BTBD9: variants seen among roughly 807,000 people sequenced by gnomAD.
BTBD9 encodes BTB/POZ domain-containing protein 9.
A neutral mutation model predicts 64.3 loss-of-function variants in BTBD9; 49 were observed. That is an observed-to-expected ratio of 0.76 (90% CI 0.61 to 0.97). The LOEUF (loss-of-function observed/expected upper bound fraction) is 0.97, where lower values mean the gene tolerates loss of function less well. Ranked by LOEUF, BTBD9 falls within the 50% of genes least tolerant of loss-of-function variation. The pLI, the probability that BTBD9 is intolerant of heterozygous loss-of-function variation, is 0.00. For missense variants in BTBD9, 598 were observed against 762.1 expected (o/e 0.78, Z 2.53); for synonymous variants, 260 against 274.7 (o/e 0.95, Z 0.53).
At chr6:38,322,747 C>T (rs1173031515) in intron 7 of BTBD9, among the ~76,000 whole-genome samples, 2 of 152,142 alleles carry the variant, frequency 1.3e-5, no homozygotes, top group African/African-American at 4.8e-5. Flanking sequence ...TACAAAATGT[C>T]ACAAATGTAA....
At chr6:38,531,408 A>C (rs1043736287) in intron 6 of BTBD9, among the ~76,000 whole-genome samples, 2 of 152,246 alleles carry the variant, frequency 1.3e-5, no homozygotes, top group Non-Finnish European at 2.9e-5. Flanking sequence ...GAGGGATTTC[A>C]TCAACACCAG....
intron 7 of BTBD9, among the ~76,000 whole-genome samples, chr6:38,304,566 A>T (rs536785820): frequency 5.9e-4 from 90 of 152,132 alleles, no homozygotes; most frequent in Non-Finnish European, 9.7e-4. Flanking sequence ...CAAAAAAAAA[A>T]AAAAAACCAA....
chr6:38,175,055 GC>G lies in BTBD9; in HGVS notation c.1768del (p.Ala590ArgfsTer158). Reference sequence around the variant, plus strand: ...GGAGGGTAGTGAGCTGCCACTAGGCGCCCGCAGCGCATGGGAGTCGAGCTGC... The same window carrying G: ...GGAGGGTAGTGAGCTGCCACTAGGCGCCGCAGCGCATGGGAGTCGAGCTGC... The part of the protein sequence containing the change: ...GQQLDSHALR[A>X]PSGSSLPSSP... On this transcript the variant is annotated frameshift_variant, in exon 11 of 11. Transcript: ENST00000481247. LOFTEE classifies it high-confidence loss of function. 6.2e-7 allele frequency: 1 copy of G among 1,614,168 alleles called. No individual in the cohort carries two copies.
chr6:38,514,286 C>T (rs577156848), intron 6 of BTBD9, among the ~76,000 whole-genome samples: 3 of 152,314 alleles, frequency 2.0e-5, no homozygotes, highest in African/African-American at 7.2e-5. Flanking sequence ...AGAAAGACAT[C>T]GTACTGCTAT....
In BTBD9 at chr6:38,392,953, C is replaced by T. The variant is rs138588341; in HGVS notation, c.1155-47860G>A. ...GCAGTGGCATGATCTTGGCTTACTG[C>T]AACCTCCACCTCTCAGGTTCAAACA... On this transcript the variant is annotated intron_variant, in intron 6 of 10. Coordinates refer to ENST00000481247, the MANE Select transcript of BTBD9 (RefSeq NM_001099272.2). 2.3e-3 allele frequency among the ~76,000 whole-genome samples: 338 copies of T among 148,174 alleles called. 1 individual carries two copies. The highest frequency in any genetic ancestry group is 7.8e-3 in the African/African-American group (310 of 39,566).
chr6:38,416,488 C>T (rs1430340879), intron 6 of BTBD9, among the ~76,000 whole-genome samples: 1 of 146,818 alleles, frequency 6.8e-6, no homozygotes, highest in African/African-American at 2.5e-5. Context: ...GTGCCCGCCA[C>T]CATGCCCAGC....
intron 10 of BTBD9, among the ~76,000 whole-genome samples, chr6:38,190,831 G>A (rs946495057): frequency 3.9e-5 from 6 of 152,270 alleles, no homozygotes; most frequent in Non-Finnish European, 8.8e-5. Context: ...ACAGGGTTGG[G>A]ACCTAGGGCA....
intron 10 of BTBD9, among the ~76,000 whole-genome samples, chr6:38,186,901 G>A (rs1407070781): frequency 1.3e-5 from 2 of 151,928 alleles, no homozygotes; most frequent in South Asian, 2.1e-4. Flanking sequence ...AGCTCCCAGC[G>A]TACTGAAAAA....
At chr6:38,341,044 A>T (rs1764077223) in intron 7 of BTBD9, among the ~76,000 whole-genome samples, 1 of 152,236 alleles carries the variant, frequency 6.6e-6, no homozygotes. Flanking sequence ...AGAAAAGCCT[A>T]GTTTCTTAAC....
chr6:38,330,088 T>TCTACCA (rs1763615196), intron 7 of BTBD9, among the ~76,000 whole-genome samples: 2 of 151,754 alleles, frequency 1.3e-5, no homozygotes, highest in South Asian at 4.2e-4. Context: ...AGAGTTTGGC[T>TCTACCA]CTGTCACCCA....
At chr6:38,407,824 A>G (rs1562141099) in intron 6 of BTBD9, among the ~76,000 whole-genome samples, 1 of 152,228 alleles carries the variant, frequency 6.6e-6, no homozygotes, top group South Asian at 2.1e-4. Flanking sequence ...ACTGGATTCA[A>G]TTAGAAGACT....
intron 7 of BTBD9, among the ~76,000 whole-genome samples, chr6:38,339,060 T>C (rs541833756): frequency 6.6e-6 from 1 of 152,282 alleles, no homozygotes; most frequent in East Asian, 1.9e-4. Context: ...TTTGGCAATA[T>C]CCAGGAAAAT....
chr6:38,176,063 G>A (rs1267314858), intron 10 of BTBD9, among the ~76,000 whole-genome samples: 2 of 152,198 alleles, frequency 1.3e-5, no homozygotes, highest in East Asian at 1.9e-4. Flanking sequence ...CGAGCTCAGC[G>A]CCCCGCAAGC....
chr6:38,499,496 G>A lies in BTBD9; in HGVS notation c.1154+78104C>T, dbSNP rs567782032. Among the ~76,000 whole-genome samples the A allele has an allele frequency of 5.3e-5, 8 of 152,182 alleles. No homozygotes were observed. The East Asian group carries it at 1.4e-3, about 26-fold the overall frequency. On this transcript the variant is annotated intron_variant, in intron 6 of 10. Coordinates refer to ENST00000481247, the MANE Select transcript of BTBD9 (RefSeq NM_001099272.2). Reference sequence around the variant, plus strand: ...TCTAATCTCCAACCTCTGAAGCAGGGTATTTATTTGTTATAATGGTAAAAC... The same window carrying A: ...TCTAATCTCCAACCTCTGAAGCAGGATATTTATTTGTTATAATGGTAAAAC...
chr6:38,619,164 A>G (rs1436416677), intron 1 of BTBD9, among the ~76,000 whole-genome samples: 1 of 152,228 alleles, frequency 6.6e-6, no homozygotes, highest in Non-Finnish European at 1.5e-5. Flanking sequence ...TCAAGGATCA[A>G]TTGATCCTAA....
chr6:38,600,327 C>T (rs1012340983), intron 1 of BTBD9, among the ~76,000 whole-genome samples: 1 of 152,180 alleles, frequency 6.6e-6, no homozygotes, highest in African/African-American at 2.4e-5. Flanking sequence ...AGATTAGACT[C>T]GCAGGTCATA....
At chr6:38,588,577 C>A in intron 4 of BTBD9, 2 of 513,890 alleles carry the variant, frequency 3.9e-6, no homozygotes, top group South Asian at 3.9e-5. Flanking sequence ...ATTGGCCTCC[C>A]AAAAGACTCC....
chr6:38,199,196 G>C (rs570932486), intron 9 of BTBD9, among the ~76,000 whole-genome samples: 1 of 152,172 alleles, frequency 6.6e-6, no homozygotes, highest in Non-Finnish European at 1.5e-5. Flanking sequence ...GTAGAATCCT[G>C]TAGCAGCTGA....
rs756495862 is a variant in BTBD9, at chr6:38,228,341, T to TCC, written c.1562+28066_1562+28067dup. On this transcript the variant is annotated intron_variant, in intron 9 of 10. Transcript: ENST00000481247. ...AGCCTGGTGACAGGGCAAGACCCTGTCCCCCCCCCCAAAAAAAAAAAAAAA... is the reference window on the plus strand; with the variant it reads ...AGCCTGGTGACAGGGCAAGACCCTGTCCCCCCCCCCCCAAAAAAAAAAAAAAA... Among the ~76,000 whole-genome samples, 254 of 66,928 alleles carry TCC rather than the reference T, an allele frequency of 3.8e-3. 11 individuals carry two copies. The highest frequency in any genetic ancestry group is 0.011 in the African/African-American group (163 of 15,442). 43.9% of individuals were successfully genotyped at this position (66,928 alleles called of 152,430 possible).
Sources: gnomAD v4.1 joint callset for allele counts (sites outside exome capture counted in the v4.1 genomes callset) on GRCh38, gnomAD v4.1.1 for gene constraint, MANE v1.5 for transcripts, NCBI Gene and HGNC (gene_info 2026-07-23, HGNC 2026-07-21) for gene names.